The following VPS50 variants were observed in gnomAD, a reference collection of about 807,000 sequenced individuals.
VPS50 encodes syndetin.
In VPS50, 70 loss-of-function variants were observed where a neutral mutation model predicts 139.7. The observed-to-expected ratio is 0.50, with a 90% CI of 0.41 to 0.61. The LOEUF is 0.61. VPS50 is among the 20% of genes least tolerant of loss of function. VPS50 has a pLI of 0.00. For synonymous variants in VPS50, 365 were observed against 376.7 expected (o/e 0.97, Z 0.36); for missense variants, 921 against 1,133.7 (o/e 0.81, Z 2.69).
At chr7:93,258,107 G>GTA in intron 6 of VPS50, 52 bp from the exon 7 acceptor site, 1 of 742,724 alleles carries the variant, frequency 1.3e-6, no homozygotes, top group South Asian at 1.6e-5. Context: ...TGTGTGGATA[G>GTA]TATTCTTATT....
At chr7:93,334,447 C>G (rs1006176344) in intron 22 of VPS50, among the ~76,000 whole-genome samples, 3 of 152,094 alleles carry the variant, frequency 2.0e-5, no homozygotes, top group African/African-American at 7.2e-5. Context: ...ATGTGAAAAA[C>G]TAATATCAGA....
intron 21 of VPS50, among the ~76,000 whole-genome samples, chr7:93,327,949 T>C (rs1213271647): frequency 3.3e-5 from 5 of 152,084 alleles, no homozygotes; most frequent in Non-Finnish European, 7.4e-5. Flanking sequence ...TGTGGAAAAA[T>C]AAGTATCTTT....
chr7:93,357,693 A>G (rs1798744479), intron 27 of VPS50, among the ~76,000 whole-genome samples: 1 of 152,170 alleles, frequency 6.6e-6, no homozygotes, highest in African/African-American at 2.4e-5. Flanking sequence ...TACCAAGTCA[A>G]TCTGCAGAAA....
rs1338481734 is a variant in VPS50, at chr7:93,253,858, A to G, written c.226-2A>G. On this transcript the variant is annotated splice_acceptor_variant, in intron 3 of 27. Transcript: ENST00000305866. LOFTEE classifies it high-confidence loss of function. ...TCTTCTTTCATGAATTTTTTTCTGT[A>G]GAAGCTTCCACCTGTTCTCAATTTG... 1.3e-6 allele frequency: 2 copies of G among 1,570,278 alleles called. No homozygotes were observed. Among genetic ancestry groups the G allele is most frequent in the Non-Finnish European group, 1.7e-6 (2 of 1,144,658 alleles).
At chr7:93,267,405 T>C (rs1479775887) in intron 9 of VPS50, among the ~76,000 whole-genome samples, 1 of 152,180 alleles carries the variant, frequency 6.6e-6, no homozygotes, top group Non-Finnish European at 1.5e-5. Flanking sequence ...GCTGTCTCTG[T>C]AGTTTTATTT....
At chr7:93,297,298 G>C in intron 16 of VPS50, 55 bp downstream of exon 16, 5 of 1,412,768 alleles carry the variant, frequency 3.5e-6, no homozygotes, top group Non-Finnish European at 4.6e-6. Flanking sequence ...GAATACTTTT[G>C]TCTAATACTT....
At position 93,355,979 on chromosome 7, in the gene VPS50, A is replaced by G. The variant is rs767018627; in HGVS notation, c.2674A>G (p.Thr892Ala). ...GTTTTTAATGAAACTTGAAAAACTA[A>G]CAGATATTAGACCCATTCCTGATAA... ...QQFLMKLEKLTDIRPIPDKEF... is the reference protein window; with the variant it reads ...QQFLMKLEKLADIRPIPDKEF... The change falls in exon 27 of 28, where the codon ACA becomes GCA. Residue 892 changes from threonine (T) to alanine (A), a missense_variant. Transcript: ENST00000305866. 4.4e-6 allele frequency: 7 copies of G among 1,597,480 alleles called. No individual in the cohort carries two copies. The African/African-American group carries it at 9.4e-5, about 21-fold the overall frequency.
chr7:93,343,305 C>A (rs1798284190), intron 23 of VPS50, among the ~76,000 whole-genome samples: 1 of 152,138 alleles, frequency 6.6e-6, no homozygotes, highest in South Asian at 2.1e-4. Context: ...AAGAAATGAA[C>A]AAAGCCTCCA....
rs1200532755 is a variant in VPS50, at chr7:93,360,135, T to A, written c.*1699T>A. The A allele has an allele frequency of 6.6e-6, 1 of 152,140 alleles. No homozygotes were observed. Among genetic ancestry groups the A allele is most frequent in the East Asian group, 1.9e-4 (1 of 5,188 alleles). The allele number at this position is 152,140 out of a possible 1,614,324, so 9.4% of individuals were successfully genotyped here. A position where few individuals can be genotyped will look rare whatever the true frequency, so the allele number is the denominator to read the frequency against. ...CTAATCAATCTTTTAAAATTTGCAGTTGATGAAGAGCTGCTTATTTTTCTC... is the reference window on the plus strand; with the variant it reads ...CTAATCAATCTTTTAAAATTTGCAGATGATGAAGAGCTGCTTATTTTTCTC... On this transcript the variant is annotated 3_prime_UTR_variant, in exon 28 of 28. Coordinates refer to ENST00000305866, the MANE Select transcript of VPS50 (RefSeq NM_017667.4).
At chr7:93,303,434 T>G (rs1797034214) in intron 16 of VPS50, 26 bp from the exon 17 acceptor site, 1 of 1,071,644 alleles carries the variant, frequency 9.3e-7, no homozygotes, top group Non-Finnish European at 1.4e-6. Flanking sequence ...TCTCACTTTT[T>G]GGAGTGTTCA....
At chr7:93,314,825 T>C (rs1584459989) in intron 20 of VPS50, among the ~76,000 whole-genome samples, 1 of 152,012 alleles carries the variant, frequency 6.6e-6, no homozygotes, top group South Asian at 2.1e-4. Flanking sequence ...CACTCCTTCA[T>C]TAGGACATTC....
At position 93,287,686 on chromosome 7, in the gene VPS50, C is replaced by G. The variant is rs570858993; in HGVS notation, c.943-4017C>G. ...TGTTTGCATAATATACACATTTATG[C>G]GAAGTTGGGCTAATAAAAGTTAGAA... On this transcript the variant is annotated intron_variant, in intron 12 of 27. Coordinates refer to ENST00000305866, the MANE Select transcript of VPS50 (RefSeq NM_017667.4). 2.6e-5 allele frequency among the ~76,000 whole-genome samples: 4 copies of G among 152,032 alleles called. No homozygotes were observed. In the South Asian group the frequency reaches 6.2e-4, roughly 24 times the overall value.
At chr7:93,324,438 T>G (rs1377751190) in intron 21 of VPS50, among the ~76,000 whole-genome samples, 4 of 152,186 alleles carry the variant, frequency 2.6e-5, no homozygotes, top group Non-Finnish European at 5.9e-5. Context: ...CATAGATAGC[T>G]CTTATTATTT....
intron 14 of VPS50, 49 bp downstream of exon 14, chr7:93,294,685 A>C: frequency 4.0e-4 from 550 of 1,380,742 alleles, no homozygotes; most frequent in Non-Finnish European, 5.0e-4. Context: ...TAGAAATGTC[A>C]TGTCATAGTT....
In VPS50 at chr7:93,294,642, G is replaced by T. The variant is rs1796751988; in HGVS notation, c.1167+6G>T. The T allele has an allele frequency of 1.3e-6, 2 of 1,565,930 alleles. No individual in the cohort carries two copies. The highest frequency in any genetic ancestry group is 2.8e-5 in the African/African-American group (2 of 71,788). ...GACTTACACGAATATGGCAGGTTTG[G>T]TTTTTTTAAAATTATTTTTTTCACA... On this transcript the variant is annotated splice_donor_region_variant and intron_variant, in intron 14 of 27. Transcript: ENST00000305866.
intron 1 of VPS50, 118 bp downstream of exon 1, chr7:93,232,618 A>G: frequency 1.1e-6 from 1 of 925,514 alleles, no homozygotes; most frequent in Non-Finnish European, 1.7e-6. Flanking sequence ...GGCAGGTGTC[A>G]GGGGGACTGG....
At position 93,280,669 on chromosome 7, in the gene VPS50, T is replaced by G. The variant is rs1796297780; in HGVS notation, c.942+4364T>G. ...TTTTTTTTCCTTTTTAAAAATAACA[T>G]TACTTTGGCAGGCTGATGGGTTTTC... On this transcript the variant is annotated intron_variant, in intron 12 of 27. Coordinates refer to ENST00000305866, the MANE Select transcript of VPS50 (RefSeq NM_017667.4). Among the ~76,000 whole-genome samples the G allele has an allele frequency of 2.0e-5, 3 of 152,088 alleles. No homozygotes were observed. In the South Asian group the frequency reaches 6.2e-4, roughly 32 times the overall value.
chr7:93,251,890 G>C (rs542215292), intron 2 of VPS50, among the ~76,000 whole-genome samples: 1 of 151,972 alleles, frequency 6.6e-6, no homozygotes, highest in Non-Finnish European at 1.5e-5. Flanking sequence ...CAGGGGAGTG[G>C]GTATCTGAAT....
chr7:93,337,214 A>G (rs183262088), intron 22 of VPS50, among the ~76,000 whole-genome samples: 1 of 152,300 alleles, frequency 6.6e-6, no homozygotes, highest in East Asian at 1.9e-4. Context: ...ACTGGGAACA[A>G]AGGAAGGTAT....
Sources: gnomAD v4.1 joint callset for allele counts (sites outside exome capture counted in the v4.1 genomes callset) on GRCh38, gnomAD v4.1.1 for gene constraint, MANE v1.5 for transcripts, NCBI Gene and HGNC (gene_info 2026-07-23, HGNC 2026-07-21) for gene names.